Variants in ZRANB1 observed in about 807,000 individuals in gnomAD.
ZRANB1 encodes zinc finger RANBP2-type containing 1, also known as ubiquitin thioesterase ZRANB1.
A neutral mutation model predicts 80.5 loss-of-function variants in ZRANB1; 16 were observed. That is an observed-to-expected ratio of 0.20 (90% confidence interval 0.13 to 0.30). The LOEUF (loss-of-function observed/expected upper bound fraction) is 0.30. ZRANB1 is among the 10% of genes least tolerant of loss of function. The pLI is 1.00. For synonymous variants in ZRANB1, 291 were observed against 293.1 expected (o/e 0.99, Z 0.07); for missense variants, 576 against 862.6 (o/e 0.67, Z 4.16).
In ZRANB1 at chr10:124,942,616, A is replaced by G. The variant is rs368461513; in HGVS notation, c.123A>G (p.Pro41=). 4 of 1,614,122 alleles carry G rather than the reference A, an allele frequency of 2.5e-6. No homozygotes were observed. Among genetic ancestry groups the G allele is most frequent in the Admixed American group, 1.7e-5 (1 of 59,994 alleles). The change falls in exon 1 of 9, where the codon CCA becomes CCG. Residue 41 remains proline (P), a synonymous_variant. Transcript: ENST00000359653. ...RPSGTIITED[P]FKSGSSDVGR... is the part of the protein sequence containing the mutation. ...GTGGAACAATTATTACAGAAGATCCATTTAAAAGTGGTTCAAGTGATGTTG... is the reference window on the plus strand; with the variant it reads ...GTGGAACAATTATTACAGAAGATCCGTTTAAAAGTGGTTCAAGTGATGTTG...
At chr10:124,924,934 T>G in the ZRANB1 span, among the ~76,000 whole-genome samples, 38 of 151,010 alleles carry the variant, frequency 2.5e-4, no homozygotes, top group Admixed American at 6.0e-4. Context: ...TGAGACAGCG[T>G]CTCAGTTTGT....
chr10:124,916,909 C>T, the ZRANB1 span, among the ~76,000 whole-genome samples: 3 of 152,066 alleles, frequency 2.0e-5, no homozygotes, highest in Non-Finnish European at 2.9e-5. Flanking sequence ...GCTCCGGGTC[C>T]CTCGGCCGCC....
At chr10:124,947,857 C>G (rs1009690063) in intron 1 of ZRANB1, among the ~76,000 whole-genome samples, 1 of 152,174 alleles carries the variant, frequency 6.6e-6, no homozygotes, top group African/African-American at 2.4e-5. Flanking sequence ...ATGATCTACC[C>G]TTGCCTTTGC....
At chr10:124,935,025 A>G in the ZRANB1 span, among the ~76,000 whole-genome samples, 12 of 152,246 alleles carry the variant, frequency 7.9e-5, no homozygotes, top group Admixed American at 7.9e-4. Flanking sequence ...TAAGCCATTT[A>G]ACAAATAATT....
chr10:124,923,241 A>G, the ZRANB1 span, among the ~76,000 whole-genome samples: 19 of 151,302 alleles, frequency 1.3e-4, no homozygotes, highest in African/African-American at 3.7e-4. Context: ...GAGCCGAGCT[A>G]CACTCCAGCC....
rs541689603 is a variant in ZRANB1 at position 124,962,176 on chromosome 10, C to T, written c.815-4418C>T. Among the ~76,000 whole-genome samples the T allele has an allele frequency of 3.9e-5, 6 of 152,226 alleles. No homozygotes were observed. The East Asian group carries it at 7.7e-4, about 20-fold the overall frequency. ...TATAGTTTCCTTTTAATATGAAAAC[C>T]GGTTAAATGAGTTAAACTCTGGCTA... On this transcript the variant is annotated intron_variant, in intron 1 of 8. Coordinates refer to ENST00000359653, the MANE Select transcript of ZRANB1 (RefSeq NM_017580.3).
chr10:124,978,031 C>A (rs1204874950), intron 5 of ZRANB1, among the ~76,000 whole-genome samples: 1 of 152,120 alleles, frequency 6.6e-6, no homozygotes, highest in Non-Finnish European at 1.5e-5. Context: ...GCATTGATTA[C>A]AGTGATCACA....
chr10:124,965,920 C>G (rs1951771871), intron 1 of ZRANB1, among the ~76,000 whole-genome samples: 1 of 152,094 alleles, frequency 6.6e-6, no homozygotes, highest in Admixed American at 6.6e-5. Context: ...TTTCTGTTTC[C>G]CCCCTACTCT....
At chr10:124,938,190 G>C (rs1393744022), upstream of ZRANB1, among the ~76,000 whole-genome samples, 1 of 152,080 alleles carries the variant, frequency 6.6e-6, no homozygotes, top group Non-Finnish European at 1.5e-5. Context: ...GGAATGTTTT[G>C]ACATCTGGAA....
chr10:124,943,974 A>G (rs555579309), intron 1 of ZRANB1, among the ~76,000 whole-genome samples: 26 of 152,362 alleles, frequency 1.7e-4, no homozygotes, highest in South Asian at 8.3e-4. Context: ...CATGAATGTC[A>G]TGTAGTAAAT....
chr10:124,930,962 C>T, the ZRANB1 span, among the ~76,000 whole-genome samples: 4 of 151,898 alleles, frequency 2.6e-5, no homozygotes, highest in African/African-American at 4.8e-5. Context: ...TCTGGGAGGT[C>T]GAGGTTGCAG....
chr10:124,970,616 A>G (rs2134288707), intron 2 of ZRANB1, among the ~76,000 whole-genome samples: 1 of 152,286 alleles, frequency 6.6e-6, no homozygotes, highest in African/African-American at 2.4e-5. Flanking sequence ...GGTTTTTGAA[A>G]TATTATTTCT....
In ZRANB1 at chr10:124,975,845, T is replaced by TA. The variant is rs1325737564; in HGVS notation, c.1427+1448dup. On this transcript the variant is annotated intron_variant, in intron 5 of 8. Transcript: ENST00000359653. Reference sequence around the variant, plus strand: ...GTTGAAACCCTGTCTCTACTAAAAATACAAAAATTAGCCAGGTGTGGTGGT... The same window carrying TA: ...GTTGAAACCCTGTCTCTACTAAAAATAACAAAAATTAGCCAGGTGTGGTGGT... Among the ~76,000 whole-genome samples the TA allele has an allele frequency of 1.1e-4, 17 of 152,202 alleles. No individual in the cohort carries two copies. The East Asian group carries it at 3.3e-3, about 29-fold the overall frequency.
chr10:124,943,454 G>A lies in ZRANB1; in HGVS notation c.814+147G>A, dbSNP rs1012596924. ...TTGAGGCTGTAGTATGCCATGATCGGTCTGTGAATAGCACTTGCACTCCAG... is the reference window on the plus strand; with the variant it reads ...TTGAGGCTGTAGTATGCCATGATCGATCTGTGAATAGCACTTGCACTCCAG... On this transcript the variant is annotated intron_variant, in intron 1 of 8. Coordinates refer to ENST00000359653, the MANE Select transcript of ZRANB1 (RefSeq NM_017580.3). The A allele has an allele frequency of 5.1e-5, 37 of 725,780 alleles. No homozygotes were observed. The African/African-American group carries it at 6.6e-4, about 13-fold the overall frequency. The allele number at this position is 725,780 out of a possible 1,614,324, so 45.0% of individuals were successfully genotyped here.
chr10:124,963,583 T>G (rs1813283155), intron 1 of ZRANB1, among the ~76,000 whole-genome samples: 1 of 127,588 alleles, frequency 7.8e-6, no homozygotes, highest in African/African-American at 3.0e-5. Flanking sequence ...TTTTTGGGCA[T>G]GTATTATGAT....
intron 1 of ZRANB1, among the ~76,000 whole-genome samples, chr10:124,947,458 T>A (rs2134249003): frequency 6.6e-6 from 1 of 152,332 alleles, no homozygotes; most frequent in Non-Finnish European, 1.5e-5. Context: ...AAATTGCACT[T>A]CAATTTGTGT....
At chr10:124,924,200 C>T in the ZRANB1 span, among the ~76,000 whole-genome samples, 1 of 151,268 alleles carries the variant, frequency 6.6e-6, no homozygotes, top group Non-Finnish European at 1.5e-5. Flanking sequence ...AGCCTCCGCA[C>T]CTGGCCATAA....
chr10:124,928,836 A>G, the ZRANB1 span, among the ~76,000 whole-genome samples: 1 of 152,232 alleles, frequency 6.6e-6, no homozygotes, highest in African/African-American at 2.4e-5. Flanking sequence ...ATCTTTCTGA[A>G]GAGGTGACAT....
At chr10:124,963,900 A>G (rs1255439009) in intron 1 of ZRANB1, among the ~76,000 whole-genome samples, 2 of 152,174 alleles carry the variant, frequency 1.3e-5, no homozygotes, top group Admixed American at 6.5e-5. Context: ...ATAATAAAAT[A>G]ATTTTCTTTT....
Sources: gnomAD v4.1 joint callset for allele counts (sites outside exome capture counted in the v4.1 genomes callset) on GRCh38, gnomAD v4.1.1 for gene constraint, MANE v1.5 for transcripts, NCBI Gene and HGNC (gene_info 2026-07-23, HGNC 2026-07-21) for gene names.